Variants in KRT8 observed in about 807,000 individuals in gnomAD.
The protein encoded by KRT8 is keratin 8.
KRT8 carries 24 observed loss-of-function variants against 43.0 expected under a neutral mutation model. The observed-to-expected ratio is 0.56, with a 90% confidence interval of 0.40 to 0.78. The LOEUF is 0.78. Ranked by LOEUF, KRT8 falls within the 30% of genes least tolerant of loss-of-function variation. The probability of loss-of-function intolerance (pLI) is 0.00; values close to 1 mark genes in which losing one functional copy is unlikely to be tolerated. For synonymous variants in KRT8, 214 were observed against 261.2 expected, an observed-to-expected ratio of 0.82 and a Z score of 1.74; for missense variants, 492 against 638.4, an observed-to-expected ratio of 0.77 and a Z score of 2.47.
intron 2 of KRT8, among the ~76,000 whole-genome samples, chr12:52,915,728 G>A (rs1941725865): frequency 6.6e-6 from 1 of 151,762 alleles, no homozygotes; most frequent in Non-Finnish European, 1.5e-5. Context: ...AAAAAAAGAA[G>A]AGAAAAGAAA....
intron 2 of KRT8, among the ~76,000 whole-genome samples, chr12:52,924,493 T>C (rs1329971487): frequency 1.3e-5 from 2 of 151,708 alleles, no homozygotes; most frequent in African/African-American, 4.8e-5. Context: ...TCTCAGCTTT[T>C]GTTCTCTCAT....
chr12:52,943,694 T>C (rs1483105546), intron 2 of KRT8, among the ~76,000 whole-genome samples: 1 of 152,128 alleles, frequency 6.6e-6, no homozygotes, highest in East Asian at 1.9e-4. Context: ...TCTCTGCAAT[T>C]TGTGTAAAGG....
At chr12:52,898,687 C>T in exon 6 of KRT8, 1 of 1,614,244 alleles carries the variant, frequency 6.2e-7, no homozygotes, top group Non-Finnish European at 8.5e-7. Context: ...ACCGGCTCTC[C>T]TCGCCCTCCA....
rs369677082 is a variant in KRT8, at chr12:52,898,796, C to T, written c.1085G>A (p.Arg362Gln). 2.4e-5 allele frequency: 38 copies of T among 1,614,234 alleles called. No homozygotes were observed. Among genetic ancestry groups the T allele is most frequent in the Middle Eastern group, 1.7e-4 (1 of 6,042 alleles). ...CTGCCGCGCCATGTCCTGCTTGGCC[C>T]GCTGCAGGGCGGCCTCCAGCTCGGA... The change falls in exon 6 of 8, where the codon CGG (arginine) becomes CAG (glutamine). Residue 362 changes from arginine to glutamine, a missense_variant. Coordinates refer to ENST00000692008, the Ensembl canonical transcript of KRT8.
intron 2 of KRT8, among the ~76,000 whole-genome samples, chr12:52,940,668 C>T (rs1390607691): frequency 1.3e-5 from 2 of 149,726 alleles, no homozygotes; most frequent in African/African-American, 4.9e-5. Context: ...CTCTGTGGCC[C>T]AGGCTGGAGT....
chr12:52,900,144 G>A, intron 4 of KRT8, 79 bp from the exon 5 acceptor site: 2 of 1,454,214 alleles, frequency 1.4e-6, no homozygotes, highest in Middle Eastern at 2.4e-4. Flanking sequence ...CCTTTCTTAG[G>A]GTATAAGACA....
chr12:52,910,411 A>C (rs191679442), upstream of KRT8, among the ~76,000 whole-genome samples: 6 of 152,358 alleles, frequency 3.9e-5, no homozygotes, highest in Middle Eastern at 3.4e-3. Context: ...AATCCACAGC[A>C]CTGCAGGTTC....
At chr12:52,931,943 A>G (rs1281323580) in intron 2 of KRT8, among the ~76,000 whole-genome samples, 2 of 151,638 alleles carry the variant, frequency 1.3e-5, no homozygotes, top group Admixed American at 6.6e-5. Flanking sequence ...GATTACAGGC[A>G]TGCGCCACTG....
chr12:52,923,873 G>A (rs1173432896), intron 2 of KRT8, among the ~76,000 whole-genome samples: 1 of 151,108 alleles, frequency 6.6e-6, no homozygotes, highest in African/African-American at 2.4e-5. Context: ...TCGAGACGGA[G>A]CCTCGCTCTC....
chr12:52,933,370 A>C (rs1286419895), intron 2 of KRT8, among the ~76,000 whole-genome samples: 1 of 152,250 alleles, frequency 6.6e-6, no homozygotes, highest in Non-Finnish European at 1.5e-5. Flanking sequence ...AATATGTGCA[A>C]GATTTGTATG....
At chr12:52,902,107 T>A in intron 1 of KRT8, 35 bp from the exon 2 acceptor site, 1 of 1,364,452 alleles carries the variant, frequency 7.3e-7, no homozygotes. Flanking sequence ...AAGGTCTACA[T>A]CAGGCCAGGG....
At chr12:52,926,505 G>A (rs552124024) in intron 2 of KRT8, 37 of 1,517,894 alleles carry the variant, frequency 2.4e-5, no homozygotes, top group South Asian at 4.8e-5. Context: ...CACAAAGCCT[G>A]CCCCAGTCAC....
At chr12:52,918,102 A>AGAAGAAGAAGAAGAG (rs1565725429) in intron 2 of KRT8, among the ~76,000 whole-genome samples, 4 of 119,560 alleles carry the variant, frequency 3.3e-5, no homozygotes, top group South Asian at 3.1e-4. Flanking sequence ...AAGAAGAGGA[A>AGAAGAAGAAGAAGAG]GAAGAAGAAG....
upstream of KRT8, among the ~76,000 whole-genome samples, chr12:52,909,883 T>C (rs1201896119): frequency 6.6e-6 from 1 of 152,242 alleles, no homozygotes; most frequent in Non-Finnish European, 1.5e-5. Context: ...CACAGCCTTG[T>C]TGTGGAGGAA....
intron 2 of KRT8, among the ~76,000 whole-genome samples, chr12:52,935,835 C>T (rs1281012441): frequency 6.6e-6 from 1 of 152,072 alleles, no homozygotes; most frequent in Non-Finnish European, 1.5e-5. Context: ...AAAATTAAAA[C>T]TTCATCTCTT....
rs138538644 is a variant in KRT8, at chr12:52,939,138, G to T, written c.-47+10318C>A. ...ATAAAAAAAGGACAGACAGTACAGA[G>T]TGTTGGTGAGGATACAGAGCATCAT... On this transcript the variant is annotated intron_variant, in intron 2 of 6. Coordinates refer to the KRT8 transcript ENST00000546826. Among the ~76,000 whole-genome samples the T allele has an allele frequency of 5.9e-5, 9 of 152,296 alleles. 1 individual carries two copies. Among genetic ancestry groups the T allele is most frequent in the Admixed American group, 3.3e-4 (5 of 15,288 alleles).
chr12:52,911,769 A>G (rs997634241), upstream of KRT8, among the ~76,000 whole-genome samples: 8 of 152,296 alleles, frequency 5.3e-5, no homozygotes, highest in Non-Finnish European at 8.8e-5. Context: ...GTGGTGGCTC[A>G]TGCCTGTAAT....
upstream of KRT8, among the ~76,000 whole-genome samples, chr12:52,905,828 T>C (rs1235923913): frequency 6.6e-6 from 1 of 152,102 alleles, no homozygotes; most frequent in East Asian, 1.9e-4. Flanking sequence ...GCACGGTGGC[T>C]CACGCCTGTA....
At chr12:52,913,813 G>A (rs990371212) in intron 2 of KRT8, among the ~76,000 whole-genome samples, 34 of 152,212 alleles carry the variant, frequency 2.2e-4, no homozygotes, top group African/African-American at 8.0e-4. Context: ...ACATACCTGT[G>A]CACACACAGC....
Sources: gnomAD v4.1 joint callset for allele counts (sites outside exome capture counted in the v4.1 genomes callset) on GRCh38, gnomAD v4.1.1 for gene constraint, MANE v1.5 for transcripts, NCBI Gene and HGNC (gene_info 2026-07-23, HGNC 2026-07-21) for gene names.